CSTPP1: variants seen among roughly 807,000 people sequenced by gnomAD.
The protein encoded by CSTPP1 is UPF0705 protein C11orf49.
the CSTPP1 span, among the ~76,000 whole-genome samples, chr11:47,146,320 G>A: frequency 8.7e-4 from 127 of 146,590 alleles, no homozygotes; most frequent in African/African-American, 2.9e-3. Flanking sequence ...AGCCGAAACC[G>A]TGCCACTGCA....
At chr11:47,025,340 C>A in the CSTPP1 span, among the ~76,000 whole-genome samples, 1 of 152,100 alleles carries the variant, frequency 6.6e-6, no homozygotes, top group African/African-American at 2.4e-5. Flanking sequence ...GAGATGATAA[C>A]CATGAAGAGG....
At chr11:47,137,231 G>A in the CSTPP1 span, 1 of 1,243,964 alleles carries the variant, frequency 8.0e-7, no homozygotes, top group Non-Finnish European at 1.1e-6. Context: ...TTCTGTGGAT[G>A]GTCTTTGGGC....
At chr11:47,139,668 C>T in the CSTPP1 span, among the ~76,000 whole-genome samples, 1 of 136,686 alleles carries the variant, frequency 7.3e-6, no homozygotes, top group Middle Eastern at 3.6e-3. Context: ...TGAGACTGAA[C>T]GTCAAAAAAA....
chr11:47,116,528 A>G, the CSTPP1 span, among the ~76,000 whole-genome samples: 10 of 152,098 alleles, frequency 6.6e-5, no homozygotes, highest in South Asian at 1.9e-3. Flanking sequence ...TATATTTAGG[A>G]TAGTTAGCTC....
chr11:47,017,052 C>T, the CSTPP1 span, among the ~76,000 whole-genome samples: 14 of 150,276 alleles, frequency 9.3e-5, no homozygotes, highest in Middle Eastern at 3.4e-3. Context: ...GAGTTTTCAC[C>T]GTGTTAGCCA....
At chr11:46,995,988 T>C in the CSTPP1 span, among the ~76,000 whole-genome samples, 1 of 152,232 alleles carries the variant, frequency 6.6e-6, no homozygotes, top group Non-Finnish European at 1.5e-5. Flanking sequence ...ATATTTAGGA[T>C]AGTTAGCTCT....
chr11:47,120,398 C>T, the CSTPP1 span, among the ~76,000 whole-genome samples: 3 of 152,086 alleles, frequency 2.0e-5, no homozygotes, highest in African/African-American at 7.2e-5. The surrounding 1 kb of genome is among the most constrained non-coding windows in gnomAD (Gnocchi z 4.2). Flanking sequence ...CTTGAGCAAG[C>T]CACTTACTCT....
chr11:47,116,282 T>G, the CSTPP1 span, among the ~76,000 whole-genome samples: 1 of 152,242 alleles, frequency 6.6e-6, no homozygotes, highest in African/African-American at 2.4e-5. Context: ...CTGAGAAGAA[T>G]GTATATTCTG....
At chr11:47,113,948 C>T in the CSTPP1 span, among the ~76,000 whole-genome samples, 1 of 152,136 alleles carries the variant, frequency 6.6e-6, no homozygotes, top group Non-Finnish European at 1.5e-5. Context: ...ATAGTATTGC[C>T]TAGGTTTTCT....
At chr11:46,996,456 A>G in the CSTPP1 span, among the ~76,000 whole-genome samples, 1 of 151,922 alleles carries the variant, frequency 6.6e-6, no homozygotes, top group East Asian at 1.9e-4. Context: ...GGCACGCGCC[A>G]CCATGCCCGG....
chr11:47,161,962 T>C, the CSTPP1 span: 1 of 1,069,080 alleles, frequency 9.4e-7, no homozygotes, highest in Non-Finnish European at 1.1e-6. Context: ...TGAGCCAGCC[T>C]CTGCGGGTCC....
At chr11:47,088,313 T>A in the CSTPP1 span, among the ~76,000 whole-genome samples, 1 of 152,186 alleles carries the variant, frequency 6.6e-6, no homozygotes, top group Non-Finnish European at 1.5e-5. Flanking sequence ...CTACTATTAA[T>A]AGTCTACACT....
the CSTPP1 span, among the ~76,000 whole-genome samples, chr11:47,126,068 T>G: frequency 6.6e-5 from 10 of 152,072 alleles, no homozygotes; most frequent in Admixed American, 1.3e-4. Context: ...TGAAATATAC[T>G]TTTCTCTTCC....
At chr11:47,046,905 T>TC in the CSTPP1 span, among the ~76,000 whole-genome samples, 6 of 118,298 alleles carry the variant, frequency 5.1e-5, no homozygotes, top group African/African-American at 1.8e-4. Flanking sequence ...ATTTCTTTTC[T>TC]TTTTTTTTTT....
At chr11:47,084,392 T>G in the CSTPP1 span, among the ~76,000 whole-genome samples, 1 of 152,186 alleles carries the variant, frequency 6.6e-6, no homozygotes, top group Non-Finnish European at 1.5e-5. Context: ...AGCAGAAGTT[T>G]TAATTTTTTA....
At chr11:47,162,788 T>A in the CSTPP1 span, among the ~76,000 whole-genome samples, 11 of 152,224 alleles carry the variant, frequency 7.2e-5, no homozygotes, top group Admixed American at 6.5e-4. Context: ...CTACTAGGCA[T>A]ACACATTTCC....
the CSTPP1 span, among the ~76,000 whole-genome samples, chr11:47,089,913 A>G: frequency 4.6e-5 from 7 of 152,314 alleles, no homozygotes; most frequent in East Asian, 1.3e-3. Context: ...ATATTTAAAA[A>G]CCAACATTTT....
At chr11:46,948,148 G>A in the CSTPP1 span, 3 of 456,162 alleles carry the variant, frequency 6.6e-6, no homozygotes, top group African/African-American at 4.0e-5. Flanking sequence ...ATGCCCCAAA[G>A]TCCTGCAAAT....
the CSTPP1 span, among the ~76,000 whole-genome samples, chr11:46,979,864 G>A: frequency 6.6e-6 from 1 of 152,212 alleles, no homozygotes; most frequent in East Asian, 1.9e-4. Context: ...AGTGAGCCGC[G>A]ATCACGCCAC....
Sources: allele counts gnomAD v4.1 joint callset (sites outside exome capture counted in the v4.1 genomes callset), GRCh38; gene constraint gnomAD v4.1.1; non-coding constraint Gnocchi (gnomAD v3.1); transcripts MANE v1.5; gene names NCBI Gene and HGNC (gene_info 2026-07-23, HGNC 2026-07-21).